Variants in RAPGEF6 observed in about 807,000 individuals in gnomAD.
RAPGEF6 encodes Rap guanine nucleotide exchange factor 6.
A neutral mutation model predicts 171.4 loss-of-function variants in RAPGEF6; 56 were observed. The ratio of observed to expected loss-of-function variants is 0.33; its 90% CI spans 0.26 to 0.41. The LOEUF is 0.41. Ranked by LOEUF, RAPGEF6 falls within the 10% of genes least tolerant of loss-of-function variation. The pLI is 1.00. For synonymous variants in RAPGEF6, 692 were observed against 650.1 expected, an observed-to-expected ratio of 1.06 and a Z score of -0.98; for missense variants, 1,674 against 1,921.4, an observed-to-expected ratio of 0.87 and a Z score of 2.41.
chr5:131,610,096 G>A (rs187842819), intron 1 of RAPGEF6, among the ~76,000 whole-genome samples: 2 of 152,352 alleles, frequency 1.3e-5, no homozygotes, highest in Non-Finnish European at 2.9e-5. Context: ...CTTTTAATAT[G>A]AAGATACATC....
intron 9 of RAPGEF6, among the ~76,000 whole-genome samples, chr5:131,506,320 T>C (rs1473937175): frequency 1.3e-5 from 2 of 152,164 alleles, no homozygotes; most frequent in Non-Finnish European, 2.9e-5. Flanking sequence ...TATTTTTTAA[T>C]AGAGACAGGT....
intron 4 of RAPGEF6, among the ~76,000 whole-genome samples, chr5:131,580,229 C>T (rs1561579455): frequency 6.6e-6 from 1 of 152,158 alleles, no homozygotes; most frequent in Non-Finnish European, 1.5e-5. Context: ...ATGGGCAGGC[C>T]GGCAGTGCTG....
chr5:131,567,073 G>A (rs1463540549), intron 4 of RAPGEF6, among the ~76,000 whole-genome samples: 10 of 140,080 alleles, frequency 7.1e-5, no homozygotes, highest in Admixed American at 4.5e-4. Context: ...CAGCCTGGGC[G>A]ACAAGAGCAA....
rs547763785 is a variant in RAPGEF6, at chr5:131,584,793, A to G, written c.281+7590T>C. On this transcript the variant is annotated intron_variant, in intron 4 of 27. Transcript: ENST00000509018. ...CACCAAACTATCCTTAAAAAATCCT[A>G]ACCTCCAAATTTTGGGAGAGATGAA... Among the ~76,000 whole-genome samples, 4 of 152,306 alleles carry G rather than the reference A, an allele frequency of 2.6e-5. No individual in the cohort carries two copies. The East Asian group carries it at 7.7e-4, about 29-fold the overall frequency.
intron 3 of RAPGEF6, among the ~76,000 whole-genome samples, chr5:131,595,743 T>C (rs1338969001): frequency 6.6e-6 from 1 of 152,136 alleles, no homozygotes; most frequent in Non-Finnish European, 1.5e-5. Context: ...CAGCCTTGAA[T>C]GTAACTGGGT....
At chr5:131,597,734 T>C (rs1763985701) in intron 3 of RAPGEF6, among the ~76,000 whole-genome samples, 1 of 151,386 alleles carries the variant, frequency 6.6e-6, no homozygotes, top group Non-Finnish European at 1.5e-5. Context: ...TGAGGAGAGG[T>C]TGGGTAGTGG....
chr5:131,628,325 G>A (rs1156594740), intron 1 of RAPGEF6, among the ~76,000 whole-genome samples: 1 of 151,528 alleles, frequency 6.6e-6, no homozygotes, highest in East Asian at 1.9e-4. Context: ...CTGATATGGA[G>A]AAAGTTTGAG....
chr5:131,588,055 C>A (rs959591655), intron 4 of RAPGEF6, among the ~76,000 whole-genome samples: 17 of 150,624 alleles, frequency 1.1e-4, no homozygotes, highest in Non-Finnish European at 1.5e-5. Context: ...GGCAGTTTTG[C>A]TGGATGCTGT....
intron 15 of RAPGEF6, among the ~76,000 whole-genome samples, chr5:131,487,132 T>A (rs923217612): frequency 2.0e-5 from 3 of 152,262 alleles, no homozygotes; most frequent in African/African-American, 7.2e-5. Context: ...ATGGTGTGTC[T>A]GGAGTTTGTT....
At chr5:131,596,423 G>C (rs1279956670) in intron 3 of RAPGEF6, among the ~76,000 whole-genome samples, 1 of 151,008 alleles carries the variant, frequency 6.6e-6, no homozygotes, top group East Asian at 1.9e-4. Context: ...CCAAACACTG[G>C]AGTGCCCAAG....
chr5:131,529,339 G>A (rs1330053791), intron 6 of RAPGEF6, among the ~76,000 whole-genome samples: 1 of 151,982 alleles, frequency 6.6e-6, no homozygotes, highest in East Asian at 1.9e-4. Flanking sequence ...AGCCGGGAGT[G>A]GTGGCAGATG....
chr5:131,629,571 T>C (rs1351178754), intron 1 of RAPGEF6, among the ~76,000 whole-genome samples: 15 of 137,910 alleles, frequency 1.1e-4, no homozygotes, highest in African/African-American at 3.2e-4. Context: ...CTGGGCAACA[T>C]AGCAAGGCCT....
chr5:131,471,761 A>G (rs565022890), intron 17 of RAPGEF6, among the ~76,000 whole-genome samples: 15 of 152,288 alleles, frequency 9.8e-5, no homozygotes, highest in Admixed American at 9.8e-4. Context: ...ATAACTTGAC[A>G]TCCCACACTG....
At chr5:131,627,926 T>A (rs1385986710) in intron 1 of RAPGEF6, among the ~76,000 whole-genome samples, 1 of 152,218 alleles carries the variant, frequency 6.6e-6, no homozygotes, top group Non-Finnish European at 1.5e-5. Context: ...GTAATTGTTT[T>A]GGGGCACCAC....
chr5:131,573,335 G>A (rs1032050342), intron 4 of RAPGEF6, among the ~76,000 whole-genome samples: 2 of 152,082 alleles, frequency 1.3e-5, no homozygotes, highest in Non-Finnish European at 2.9e-5. Context: ...GTCAGGGTAC[G>A]TGTCCCCTTT....
Position 131,624,980 on chromosome 5 carries a change from G to C in RAPGEF6, c.69+9982C>G, listed in dbSNP as rs187985778. ...TCTACTAAAAATACAAAAAGTAGCC[G>C]GGCATGGGTGCAGTGGCTCACACCT... On this transcript the variant is annotated intron_variant, in intron 1 of 27. Coordinates refer to ENST00000509018, the MANE Select transcript of RAPGEF6 (RefSeq NM_016340.6). 3.7e-3 allele frequency among the ~76,000 whole-genome samples: 566 copies of C among 151,764 alleles called. 4 individuals are homozygous for C. The highest frequency in any genetic ancestry group is 0.013 in the African/African-American group (536 of 41,420).
chr5:131,459,571 A>G (rs1008020039), intron 19 of RAPGEF6, among the ~76,000 whole-genome samples: 14 of 152,226 alleles, frequency 9.2e-5, no homozygotes, highest in Non-Finnish European at 1.3e-4. Context: ...CTACATGGCA[A>G]AAGTAAACAC....
chr5:131,629,350 C>A (rs1580705072), intron 1 of RAPGEF6, among the ~76,000 whole-genome samples: 1 of 151,758 alleles, frequency 6.6e-6, no homozygotes, highest in South Asian at 2.1e-4. Flanking sequence ...GGGAGGAGGT[C>A]AAAATATCAA....
chr5:131,610,350 G>A (rs888898779), intron 1 of RAPGEF6, among the ~76,000 whole-genome samples: 10 of 152,112 alleles, frequency 6.6e-5, no homozygotes, highest in Non-Finnish European at 1.3e-4. Context: ...CTGCCACCAG[G>A]GCACTTTAAA....
Sources: gnomAD v4.1 joint callset for allele counts (sites outside exome capture counted in the v4.1 genomes callset) on GRCh38, gnomAD v4.1.1 for gene constraint, MANE v1.5 for transcripts, NCBI Gene and HGNC (gene_info 2026-07-23, HGNC 2026-07-21) for gene names.